PRUNE2: variants seen among roughly 807,000 people sequenced by gnomAD.
PRUNE2 encodes the protein prune homolog 2 with BCH domain, also known as protein prune homolog 2.
In PRUNE2, 164 loss-of-function variants were observed where a neutral mutation model predicts 252.0. The observed-to-expected ratio is 0.65, with a 90% CI of 0.57 to 0.74. PRUNE2 has a LOEUF of 0.74. Among genes scored for constraint, PRUNE2 ranks in the 30% least tolerant of loss-of-function variants. The pLI is 0.00. For missense variants in PRUNE2, 3,495 were observed against 3,711.0 expected (o/e 0.94, Z 1.51); for synonymous variants, 1,292 against 1,350.2 (o/e 0.96, Z 0.94).
At chr9:76,783,223 G>A (rs556404368) in intron 6 of PRUNE2, among the ~76,000 whole-genome samples, 5 of 152,090 alleles carry the variant, frequency 3.3e-5, no homozygotes, top group African/African-American at 9.7e-5. Context: ...TGCAACCTCC[G>A]CCTCCCATGT....
In PRUNE2 at chr9:76,680,124, T is replaced by C. The variant is rs140477163; in HGVS notation, c.8276+23213A>G. 1.0e-3 allele frequency among the ~76,000 whole-genome samples: 157 copies of C among 152,264 alleles called. 3 individuals are homozygous for C. In the East Asian group the frequency reaches 0.026, roughly 25 times the overall value. On this transcript the variant is annotated intron_variant, in intron 9 of 18. Coordinates refer to ENST00000376718, the MANE Select transcript of PRUNE2 (RefSeq NM_015225.3). Reference sequence around the variant, plus strand: ...ATATATCTGATAAGGGGTTAATATCTAGAATACATAAAGAACTCCTGAAAC... The same window carrying C: ...ATATATCTGATAAGGGGTTAATATCCAGAATACATAAAGAACTCCTGAAAC...
intron 6 of PRUNE2, among the ~76,000 whole-genome samples, chr9:76,750,811 A>C (rs535318493): frequency 9.8e-5 from 15 of 152,328 alleles, no homozygotes; most frequent in African/African-American, 2.6e-4. Flanking sequence ...CATTCCTTGA[A>C]AGGTATCCTT....
At chr9:76,664,421 C>A (rs1204143627) in intron 9 of PRUNE2, among the ~76,000 whole-genome samples, 1 of 152,196 alleles carries the variant, frequency 6.6e-6, no homozygotes, top group Admixed American at 6.5e-5. Flanking sequence ...ATACCTTAAG[C>A]CAGAACCATC....
chr9:76,790,709 T>C (rs2055467449), intron 6 of PRUNE2, among the ~76,000 whole-genome samples: 1 of 152,234 alleles, frequency 6.6e-6, no homozygotes, highest in Non-Finnish European at 1.5e-5. Context: ...GTGTTTGCCA[T>C]AAATGAGACC....
chr9:76,893,983 T>C (rs933802228), intron 1 of PRUNE2, among the ~76,000 whole-genome samples: 14 of 152,186 alleles, frequency 9.2e-5, no homozygotes, highest in Non-Finnish European at 1.8e-4. Context: ...AATTAAACAA[T>C]AGAAGAAAGA....
At chr9:76,817,265 T>A (rs1327193272) in intron 6 of PRUNE2, among the ~76,000 whole-genome samples, 1 of 152,138 alleles carries the variant, frequency 6.6e-6, no homozygotes, top group Non-Finnish European at 1.5e-5. Flanking sequence ...ACCCAAGCAG[T>A]ATACACAGGG....
At chr9:76,851,904 T>C (rs1200694691) in intron 2 of PRUNE2, among the ~76,000 whole-genome samples, 1 of 152,190 alleles carries the variant, frequency 6.6e-6, no homozygotes, top group Non-Finnish European at 1.5e-5. Context: ...TTACTGTGAA[T>C]GTACAGCAAT....
chr9:76,894,333 G>A (rs1044001772), intron 1 of PRUNE2, among the ~76,000 whole-genome samples: 1 of 152,166 alleles, frequency 6.6e-6, no homozygotes, highest in Non-Finnish European at 1.5e-5. Context: ...AAACCAGCTT[G>A]CTAAGGGCCA....
intron 9 of PRUNE2, among the ~76,000 whole-genome samples, chr9:76,675,809 G>T (rs535719346): frequency 2.4e-5 from 3 of 127,518 alleles, no homozygotes; most frequent in African/African-American, 2.8e-5. Context: ...GTAAACTATC[G>T]CAAGAACAAA....
chr9:76,698,544 C>T (rs1461004106), intron 9 of PRUNE2, among the ~76,000 whole-genome samples: 1 of 152,204 alleles, frequency 6.6e-6, no homozygotes, highest in Non-Finnish European at 1.5e-5. Context: ...CTCTGAGAAA[C>T]GGCAAATGTT....
rs1339406231 is a variant in PRUNE2, at chr9:76,768,573, ATGTATATGTATGTGTGTG to A, written c.757-54870_757-54853del. ...CTCTTATCTTTGGGTTGATATATAT[ATGTATATGTATGTGTGTG>A]TGTGTGTGTGTGTGTGTGTGTGTGT... On this transcript the variant is annotated intron_variant, in intron 6 of 18. Transcript: ENST00000376718. Among the ~76,000 whole-genome samples, 90 of 118,744 alleles carry A rather than the reference ATGTATATGTATGTGTGTG, an allele frequency of 7.6e-4. 2 individuals carry two copies. The highest frequency in any genetic ancestry group is 2.6e-4 in the South Asian group (1 of 3,778). 77.9% of individuals were successfully genotyped at this position (118,744 alleles called of 152,430 possible).
At chr9:76,810,106 C>T (rs775486298) in intron 6 of PRUNE2, among the ~76,000 whole-genome samples, 2 of 152,210 alleles carry the variant, frequency 1.3e-5, no homozygotes, top group Non-Finnish European at 2.9e-5. Context: ...GCCTGGCATA[C>T]GCATTTGCAG....
At chr9:76,764,216 T>C (rs951534777) in intron 6 of PRUNE2, among the ~76,000 whole-genome samples, 1 of 150,378 alleles carries the variant, frequency 6.6e-6, no homozygotes, top group Non-Finnish European at 1.5e-5. Context: ...TTTCAGTGCA[T>C]GGAGGCAGAA....
intron 6 of PRUNE2, among the ~76,000 whole-genome samples, chr9:76,791,907 T>C (rs1936288): frequency 0.39 from 58,530 of 151,704 alleles, 11,679 homozygotes; most frequent in African/African-American, 0.43. Context: ...GAGATGCTGG[T>C]AGGACCTGAG....
rs565610601 is a variant in PRUNE2 at position 76,765,800 on chromosome 9, T to C, written c.757-52079A>G. The stretch of plus-strand genomic sequence containing the variant: ...AAACCAGTGCTTTTCTGGGACTCAC[T>C]TTCCTTATCTATGAAATGGAGAGGT... On this transcript the variant is annotated intron_variant, in intron 6 of 18. Transcript: ENST00000376718. Among the ~76,000 whole-genome samples the C allele has an allele frequency of 4.6e-5, 7 of 152,322 alleles. No individual in the cohort carries two copies. The South Asian group carries it at 1.4e-3, about 32-fold the overall frequency.
intron 5 of PRUNE2, among the ~76,000 whole-genome samples, chr9:76,825,257 C>G (rs1207780349): frequency 6.6e-6 from 1 of 152,202 alleles, no homozygotes; most frequent in Non-Finnish European, 1.5e-5. Flanking sequence ...ATACTCCTAC[C>G]ATGGCTGATC....
intron 1 of PRUNE2, among the ~76,000 whole-genome samples, chr9:76,878,197 C>A (rs1260685705): frequency 1.3e-5 from 2 of 152,072 alleles, no homozygotes; most frequent in Non-Finnish European, 2.9e-5. Context: ...GACAGGACAG[C>A]CAGTTAGAGA....
chr9:76,813,799 T>C (rs762248457), intron 6 of PRUNE2, among the ~76,000 whole-genome samples: 9 of 152,186 alleles, frequency 5.9e-5, no homozygotes, highest in Non-Finnish European at 1.2e-4. Context: ...ATATGATATA[T>C]TGTGTATATC....
In PRUNE2 at chr9:76,636,034, T is replaced by G. The variant is rs186437518; in HGVS notation, c.9050+437A>C. ...AACTTTGGTAGTTATATAAACGTTG[T>G]GTAGGTCTATTCAGAAGAAATGGCA... On this transcript the variant is annotated intron_variant, in intron 15 of 18. Coordinates refer to ENST00000376718, the MANE Select transcript of PRUNE2 (RefSeq NM_015225.3). Among the ~76,000 whole-genome samples, 327 of 152,334 alleles carry G rather than the reference T, an allele frequency of 2.1e-3. 2 individuals carry two copies. The highest frequency in any genetic ancestry group is 0.01 in the Middle Eastern group (3 of 294).
Sources: gnomAD v4.1 joint callset for allele counts (sites outside exome capture counted in the v4.1 genomes callset) on GRCh38, gnomAD v4.1.1 for gene constraint, MANE v1.5 for transcripts, NCBI Gene and HGNC (gene_info 2026-07-23, HGNC 2026-07-21) for gene names.